The following RAP1A variants were observed in gnomAD, a reference collection of about 807,000 sequenced individuals.
The protein encoded by RAP1A is RAP1A, member of RAS oncogene family, also known as ras-related protein Rap-1A.
RAP1A carries 6 observed loss-of-function variants against 26.4 expected under a neutral mutation model. That is an observed-to-expected ratio of 0.23 (90% confidence interval 0.12 to 0.45). RAP1A has a LOEUF of 0.45. Among genes scored for constraint, RAP1A ranks in the 20% least tolerant of loss-of-function variants. The probability of loss-of-function intolerance (pLI) is 0.99; values close to 1 mark genes in which losing one functional copy is unlikely to be tolerated. For missense variants in RAP1A, 121 were observed against 217.2 expected (o/e 0.56, Z 2.78); for synonymous variants, 73 against 79.4 (o/e 0.92, Z 0.43).
intron 1 of RAP1A, among the ~76,000 whole-genome samples, chr1:111,662,584 T>C (rs1660675783): frequency 6.6e-6 from 1 of 152,126 alleles, no homozygotes; most frequent in African/African-American, 2.4e-5. Context: ...CTGGCCATAC[T>C]AAGAGAGATT....
chr1:111,581,701 A>T (rs4839149), intron 1 of RAP1A, among the ~76,000 whole-genome samples: 126,274 of 152,162 alleles, frequency 0.83, 53,785 homozygotes, highest in Non-Finnish European at 0.91. Flanking sequence ...GCATAAAAAA[A>T]TTGAATACTA....
intron 1 of RAP1A, among the ~76,000 whole-genome samples, chr1:111,675,248 G>A (rs1281123719): frequency 6.6e-6 from 1 of 152,080 alleles, no homozygotes; most frequent in Non-Finnish European, 1.5e-5. Context: ...TTGGGAGGCC[G>A]AGGCGGGTGG....
chr1:111,570,839 T>C (rs976371598), intron 1 of RAP1A, among the ~76,000 whole-genome samples: 18 of 152,180 alleles, frequency 1.2e-4, no homozygotes, highest in African/African-American at 4.1e-4. Flanking sequence ...CACCAAGCCA[T>C]TCATGAGGGA....
chr1:111,562,839 CTCAA>C lies in RAP1A; in HGVS notation c.-28+20339_-28+20342del, dbSNP rs575460970. Among the ~76,000 whole-genome samples the C allele has an allele frequency of 1.7e-3, 258 of 152,290 alleles. 1 individual carries two copies. Among genetic ancestry groups the C allele is most frequent in the African/African-American group, 6.1e-3 (253 of 41,566 alleles). On this transcript the variant is annotated intron_variant, in intron 1 of 7. Coordinates refer to the RAP1A transcript ENST00000356415. Reference sequence around the variant, plus strand: ...TGCTTTCTTTGGTTTGCTTTTAGTTCTCAATCAATCAAGTACTTTAGAAAAGCCC... The same window carrying C: ...TGCTTTCTTTGGTTTGCTTTTAGTTCTCAATCAAGTACTTTAGAAAAGCCC...
chr1:111,681,314 T>A (rs1661287409), intron 1 of RAP1A, among the ~76,000 whole-genome samples: 1 of 152,066 alleles, frequency 6.6e-6, no homozygotes, highest in Non-Finnish European at 1.5e-5. Context: ...TCACAACTCC[T>A]CCCCAACAAG....
intron 1 of RAP1A, among the ~76,000 whole-genome samples, chr1:111,663,777 T>C (rs180827422): frequency 9.2e-5 from 14 of 152,294 alleles, no homozygotes; most frequent in Admixed American, 7.8e-4. Context: ...TTTCCAACTA[T>C]TGTTCTGAGC....
chr1:111,610,875 T>G (rs1658915343), intron 1 of RAP1A, among the ~76,000 whole-genome samples: 1 of 152,258 alleles, frequency 6.6e-6, no homozygotes, highest in Non-Finnish European at 1.5e-5. Context: ...CTCATTTAAT[T>G]TAATTGTTGC....
upstream of RAP1A, among the ~76,000 whole-genome samples, chr1:111,619,278 G>C (rs1659087801): frequency 6.6e-6 from 1 of 152,186 alleles, no homozygotes; most frequent in Admixed American, 6.5e-5. Flanking sequence ...TTGAGAGGCA[G>C]TATCTCACCA....
At chr1:111,561,072 A>G (rs1003795355) in intron 1 of RAP1A, among the ~76,000 whole-genome samples, 2 of 152,164 alleles carry the variant, frequency 1.3e-5, no homozygotes, top group Non-Finnish European at 2.9e-5. Context: ...GAAGAAGAAA[A>G]TAATAGGACT....
chr1:111,622,814 A>G (rs577184170), intron 1 of RAP1A, among the ~76,000 whole-genome samples: 6 of 152,346 alleles, frequency 3.9e-5, no homozygotes, highest in Non-Finnish European at 8.8e-5. Flanking sequence ...ACAGAGATGA[A>G]TTAGACAGGG....
chr1:111,703,048 T>C (rs1171785415), intron 4 of RAP1A, among the ~76,000 whole-genome samples: 3 of 152,178 alleles, frequency 2.0e-5, no homozygotes, highest in Non-Finnish European at 4.4e-5. Context: ...GTGTCATAAA[T>C]TTGCAAATAA....
At chr1:111,704,275 A>T in intron 5 of RAP1A, 68 bp from the exon 6 acceptor site, 1 of 1,496,458 alleles carries the variant, frequency 6.7e-7, no homozygotes, top group Non-Finnish European at 9.1e-7. Context: ...ATAATTGCTT[A>T]TTTATTTTTT....
At chr1:111,583,765 G>T (rs560276492) in intron 1 of RAP1A, among the ~76,000 whole-genome samples, 2 of 151,768 alleles carry the variant, frequency 1.3e-5, no homozygotes, top group East Asian at 3.9e-4. Context: ...TAGATATTTT[G>T]CAGCTATTAA....
chr1:111,591,480 C>T (rs1658470194), intron 1 of RAP1A, among the ~76,000 whole-genome samples: 1 of 152,114 alleles, frequency 6.6e-6, no homozygotes, highest in African/African-American at 2.4e-5. Flanking sequence ...GTAAATTTCT[C>T]TGCGTAAGTT....
intron 1 of RAP1A, among the ~76,000 whole-genome samples, chr1:111,569,716 A>G (rs1273687913): frequency 6.6e-6 from 1 of 152,046 alleles, no homozygotes; most frequent in Non-Finnish European, 1.5e-5. Context: ...ATTCTCTAAG[A>G]TGGGGAGGTA....
Position 111,709,145 on chromosome 1 carries a change from T to G in RAP1A, c.469-4T>G, listed in dbSNP as rs772166082. ...TAAGTACTTTTTTTCTTGTTTTTAC[T>G]TAGATATTTTATGACCTGGTCAGAC... On this transcript the variant is annotated splice_region_variant and splice_polypyrimidine_tract_variant and intron_variant, in intron 6 of 7. Coordinates refer to ENST00000369709, the MANE Select transcript of RAP1A (RefSeq NM_002884.4). 2 of 1,597,342 alleles carry G rather than the reference T, an allele frequency of 1.3e-6. No individual in the cohort carries two copies. The highest frequency in any genetic ancestry group is 2.2e-5 in the East Asian group (1 of 44,766).
Position 111,704,462 on chromosome 1 carries a change from A to G in RAP1A, c.444A>G (p.Ala148=), listed in dbSNP as rs1662123561. The G allele has an allele frequency of 6.2e-7, 1 of 1,613,512 alleles. No individual in the cohort carries two copies. Among genetic ancestry groups the G allele is most frequent in the South Asian group, 1.1e-5 (1 of 91,060 alleles). Residue 148 remains alanine, a synonymous_variant, in exon 6 of 8, where the codon GCA becomes GCG. Transcript: ENST00000369709. ...WCNCAFLESS[A]KSKINVNEIF... is the part of the protein sequence containing the mutation. The stretch of plus-strand genomic sequence containing the variant: ...ACTGTGCCTTTTTAGAATCTTCTGC[A>G]AAGTCAAAGATCAATGTTAATGAGG...
At chr1:111,621,396 CATT>C (rs763059781) in intron 1 of RAP1A, among the ~76,000 whole-genome samples, 49 of 152,236 alleles carry the variant, frequency 3.2e-4, no homozygotes, top group Admixed American at 1.8e-3. Context: ...TTTCCTATAA[CATT>C]GTTGTTTTGA....
At chr1:111,642,708 C>T (rs551347482) in intron 1 of RAP1A, among the ~76,000 whole-genome samples, 4 of 151,086 alleles carry the variant, frequency 2.6e-5, no homozygotes, top group African/African-American at 4.9e-5. Flanking sequence ...AGGATGGTTT[C>T]GATCTCCTGA....
Sources: allele counts gnomAD v4.1 joint callset (sites outside exome capture counted in the v4.1 genomes callset), GRCh38; gene constraint gnomAD v4.1.1; transcripts MANE v1.5; gene names NCBI Gene and HGNC (gene_info 2026-07-23, HGNC 2026-07-21).